The following MED13L variants were observed in gnomAD, a reference collection of about 807,000 sequenced individuals.
MED13L encodes mediator complex subunit 13L.
MED13L carries 7 observed loss-of-function variants against 220.9 expected under a neutral mutation model. That is an observed-to-expected ratio of 0.03 (90% CI 0.02 to 0.06). The LOEUF is 0.06. Among genes scored for constraint, MED13L ranks in the 10% least tolerant of loss-of-function variants. The probability of loss-of-function intolerance (pLI) is 1.00; values close to 1 mark genes in which losing one functional copy is unlikely to be tolerated. For missense variants in MED13L, 1,965 were observed against 2,760.5 expected (o/e 0.71, Z 6.46); for synonymous variants, 1,011 against 1,015.2 (o/e 1.00, Z 0.08).
intron 2 of MED13L, among the ~76,000 whole-genome samples, chr12:116,153,606 G>GA (rs1878215406): frequency 1.3e-5 from 2 of 152,172 alleles, no homozygotes; most frequent in African/African-American, 4.8e-5. Flanking sequence ...TCTCCTGGAA[G>GA]AAATAATAGC....
chr12:116,054,983 TAAATAA>T (rs1423261503), intron 4 of MED13L, among the ~76,000 whole-genome samples: 1 of 152,188 alleles, frequency 6.6e-6, no homozygotes, highest in African/African-American at 2.4e-5. Context: ...TGCAAGGGAT[TAAATAA>T]AAATAAAAAC....
intron 4 of MED13L, among the ~76,000 whole-genome samples, chr12:116,061,811 T>A (rs1869513526): frequency 6.6e-6 from 1 of 151,836 alleles, no homozygotes; most frequent in South Asian, 2.1e-4. Flanking sequence ...ATCGAGACCA[T>A]CCTGGCTAAC....
chr12:116,196,171 T>C (rs1208679690), intron 2 of MED13L, among the ~76,000 whole-genome samples: 1 of 152,106 alleles, frequency 6.6e-6, no homozygotes, highest in Non-Finnish European at 1.5e-5. Flanking sequence ...TATAACCTAA[T>C]GGATAATCTA....
chr12:115,986,902 C>A (rs957312551), intron 18 of MED13L, among the ~76,000 whole-genome samples: 2 of 152,130 alleles, frequency 1.3e-5, no homozygotes, highest in African/African-American at 4.8e-5. Context: ...GGATTAGCTT[C>A]CTCACTGACC....
At chr12:116,109,043 AT>A (rs1188870214) in intron 3 of MED13L, among the ~76,000 whole-genome samples, 1 of 128,278 alleles carries the variant, frequency 7.8e-6, no homozygotes, top group African/African-American at 2.9e-5. Flanking sequence ...CAAACTTTAT[AT>A]GTCATAATTA....
chr12:115,971,966 T>C (rs1592900755), intron 26 of MED13L, 112 bp downstream of exon 26: 1 of 1,234,030 alleles, frequency 8.1e-7, no homozygotes, highest in Non-Finnish European at 1.2e-6. Flanking sequence ...AAATACAATC[T>C]TCCCTTATAG....
intron 2 of MED13L, among the ~76,000 whole-genome samples, chr12:116,122,398 G>T (rs775598756): frequency 1.6e-4 from 24 of 152,078 alleles, no homozygotes; most frequent in Non-Finnish European, 2.9e-4. Context: ...TCAGTTGCCT[G>T]GTAGAATCTA....
At chr12:116,232,478 T>C (rs1869654241) in intron 2 of MED13L, among the ~76,000 whole-genome samples, 1 of 152,238 alleles carries the variant, frequency 6.6e-6, no homozygotes, top group African/African-American at 2.4e-5. Context: ...TTAACTAGGC[T>C]TCAATATCCT....
chr12:116,086,768 C>T (rs1418961239), intron 4 of MED13L, among the ~76,000 whole-genome samples: 1 of 152,062 alleles, frequency 6.6e-6, no homozygotes, highest in African/African-American at 2.4e-5. Context: ...AACAAATAGT[C>T]ATATTGTTAT....
At chr12:116,225,855 A>G (rs1298001054) in intron 2 of MED13L, among the ~76,000 whole-genome samples, 1 of 152,182 alleles carries the variant, frequency 6.6e-6, no homozygotes, top group East Asian at 1.9e-4. Context: ...CTTCAAGATT[A>G]GCAAAAAGTC....
At chr12:116,275,445 A>G (rs530687059) in intron 1 of MED13L, among the ~76,000 whole-genome samples, 5 of 152,346 alleles carry the variant, frequency 3.3e-5, no homozygotes, top group East Asian at 1.9e-4. Flanking sequence ...AGTGGGAGCA[A>G]TGATACTATG....
At chr12:115,965,619 A>C (rs1207250020) in intron 29 of MED13L, among the ~76,000 whole-genome samples, 6 of 152,228 alleles carry the variant, frequency 3.9e-5, no homozygotes, top group African/African-American at 1.4e-4. Context: ...AAAAGGTTCC[A>C]AGAAATATAA....
intron 2 of MED13L, among the ~76,000 whole-genome samples, chr12:116,117,622 A>G (rs1188059814): frequency 6.6e-6 from 1 of 152,020 alleles, no homozygotes; most frequent in Non-Finnish European, 1.5e-5. Flanking sequence ...AATCCAAAAG[A>G]TATGGTATTT....
chr12:116,140,489 G>A (rs1019014217), intron 2 of MED13L, among the ~76,000 whole-genome samples: 1 of 152,126 alleles, frequency 6.6e-6, no homozygotes, highest in Non-Finnish European at 1.5e-5. Flanking sequence ...GTACATATAT[G>A]TGTACCCACA....
Position 116,002,445 on chromosome 12 carries a change from T to A in MED13L, c.2569+558A>T, listed in dbSNP as rs534379862. ...GTATCCACATAAGCTACCCTTTTTT[T>A]TCCTCTTGTAGAATAATTTGGTTTC... On this transcript the variant is annotated intron_variant, in intron 14 of 30. Coordinates refer to ENST00000281928, the MANE Select transcript of MED13L (RefSeq NM_015335.5). Among the ~76,000 whole-genome samples, 3 of 152,330 alleles carry A rather than the reference T, an allele frequency of 2.0e-5. No individual in the cohort carries two copies. In the East Asian group the frequency reaches 5.8e-4, roughly 29 times the overall value.
At chr12:116,157,370 G>C (rs772348650) in intron 2 of MED13L, among the ~76,000 whole-genome samples, 2 of 152,118 alleles carry the variant, frequency 1.3e-5, no homozygotes, top group Non-Finnish European at 2.9e-5. Context: ...CTTCACAGCT[G>C]TATCCCCAGC....
At chr12:116,195,741 C>CT (rs1163446727) in intron 2 of MED13L, among the ~76,000 whole-genome samples, 2 of 151,718 alleles carry the variant, frequency 1.3e-5, no homozygotes, top group East Asian at 3.9e-4. Flanking sequence ...GTGAGCCACT[C>CT]TTTTACTCTT....
chr12:116,103,976 C>T (rs1445451345), intron 3 of MED13L, among the ~76,000 whole-genome samples: 1 of 150,800 alleles, frequency 6.6e-6, no homozygotes, highest in East Asian at 1.9e-4. Flanking sequence ...AATCCCTTCA[C>T]CACCACATCC....
intron 2 of MED13L, among the ~76,000 whole-genome samples, chr12:116,114,577 G>A (rs934720402): frequency 3.9e-5 from 6 of 151,998 alleles, no homozygotes; most frequent in African/African-American, 1.5e-4. Flanking sequence ...AAGACTGAAC[G>A]AACGGTAAGG....
Sources: gnomAD v4.1 joint callset for allele counts (sites outside exome capture counted in the v4.1 genomes callset) on GRCh38, gnomAD v4.1.1 for gene constraint, MANE v1.5 for transcripts, NCBI Gene and HGNC (gene_info 2026-07-23, HGNC 2026-07-21) for gene names.